KCNH7: variants seen among roughly 807,000 people sequenced by gnomAD.
KCNH7 encodes voltage-gated inwardly rectifying potassium channel KCNH7.
A neutral mutation model predicts 120.8 loss-of-function variants in KCNH7; 49 were observed. The ratio of observed to expected loss-of-function variants is 0.41; its 90% CI spans 0.32 to 0.51. The LOEUF is 0.51. Among genes scored for constraint, KCNH7 ranks in the 20% least tolerant of loss-of-function variants. The pLI, the probability that KCNH7 is intolerant of heterozygous loss-of-function variation, is 0.38. For synonymous variants in KCNH7, 547 were observed against 516.1 expected (o/e 1.06, Z -0.81); for missense variants, 1,097 against 1,446.6 (o/e 0.76, Z 3.92).
chr2:162,373,433 T>G (rs1576314462), intron 15 of KCNH7, 37 bp downstream of exon 15: 33 of 1,408,266 alleles, frequency 2.3e-5, no homozygotes, highest in Non-Finnish European at 3.0e-5. Flanking sequence ...AAACACACTG[T>G]GAGAGACACT....
chr2:162,618,400 G>A (rs1337343927), intron 2 of KCNH7, among the ~76,000 whole-genome samples: 1 of 151,926 alleles, frequency 6.6e-6, no homozygotes, highest in Non-Finnish European at 1.5e-5. Flanking sequence ...CATTAAATGA[G>A]CTAATTATTA....
Position 162,446,362 on chromosome 2 carries a change from TG to T in KCNH7, c.1209del (p.Tyr403Ter). 6.2e-7 allele frequency: 1 copy of T among 1,613,830 alleles called. No individual in the cohort carries two copies. Among genetic ancestry groups the T allele is most frequent in the Non-Finnish European group, 8.5e-7 (1 of 1,179,790 alleles). ...PRINKFTILHYSPFKAVWDWL... is the reference protein window; with the variant it reads ...PRINKFTILHXSPFKAVWDWL... Reference sequence around the variant, plus strand: ...CAGTCCCAGACTGCCTTGAAAGGGCTGTAGTGCAATATCGTAAACTTGTTGA... The same window carrying T: ...CAGTCCCAGACTGCCTTGAAAGGGCTTAGTGCAATATCGTAAACTTGTTGA... On this transcript the variant is annotated frameshift_variant, in exon 7 of 16. Coordinates refer to ENST00000332142, the MANE Select transcript of KCNH7 (RefSeq NM_033272.4). LOFTEE classifies it high-confidence loss of function.
intron 3 of KCNH7, among the ~76,000 whole-genome samples, chr2:162,518,681 C>T (rs141178145): frequency 1.3e-5 from 2 of 151,674 alleles, no homozygotes; most frequent in Admixed American, 6.6e-5. Flanking sequence ...TATTGTGAGT[C>T]GAGTTTGGGT....
intron 2 of KCNH7, among the ~76,000 whole-genome samples, chr2:162,708,165 A>C (rs996931007): frequency 3.5e-4 from 53 of 152,170 alleles, no homozygotes; most frequent in African/African-American, 1.2e-3. Context: ...GCCATGGAAT[A>C]GTTCTTAGCA....
intron 2 of KCNH7, among the ~76,000 whole-genome samples, chr2:162,807,854 T>C (rs1406729138): frequency 6.6e-6 from 1 of 152,128 alleles, no homozygotes; most frequent in East Asian, 1.9e-4. Context: ...AGCTAATTTT[T>C]GTATTTTTAG....
At chr2:162,626,311 C>A (rs1373469823) in intron 2 of KCNH7, among the ~76,000 whole-genome samples, 2 of 152,046 alleles carry the variant, frequency 1.3e-5, no homozygotes, top group Non-Finnish European at 2.9e-5. Flanking sequence ...TATGTAAACA[C>A]AACATCTTAT....
At chr2:162,816,002 T>C (rs1234706848) in intron 2 of KCNH7, among the ~76,000 whole-genome samples, 8 of 152,182 alleles carry the variant, frequency 5.3e-5, no homozygotes. Context: ...CCCACACCTA[T>C]AATCCCAGCA....
At position 162,600,868 on chromosome 2, in the gene KCNH7, C is replaced by T. The variant is rs150551235; in HGVS notation, c.308-63788G>A. ...AGTACCAGTTGATTGGAAGTGGATGCCTTAAATGCTCTACTAGAAATTTTG... is the reference window on the plus strand; with the variant it reads ...AGTACCAGTTGATTGGAAGTGGATGTCTTAAATGCTCTACTAGAAATTTTG... On this transcript the variant is annotated intron_variant, in intron 2 of 15. Transcript: ENST00000332142. Among the ~76,000 whole-genome samples, 400 of 151,994 alleles carry T rather than the reference C, an allele frequency of 2.6e-3. 4 individuals are homozygous for T. The highest frequency in any genetic ancestry group is 9.0e-3 in the African/African-American group (373 of 41,478).
Position 162,373,666 on chromosome 2 carries a change from C to T in KCNH7, c.3132-4G>A. The T allele has an allele frequency of 6.8e-7, 1 of 1,460,782 alleles. No homozygotes were observed. Among genetic ancestry groups the T allele is most frequent in the Non-Finnish European group, 9.1e-7 (1 of 1,101,314 alleles). 90.5% of individuals were successfully genotyped at this position (1,460,782 alleles called of 1,614,324 possible). On this transcript the variant is annotated splice_region_variant and splice_polypyrimidine_tract_variant and intron_variant, in intron 14 of 15. Transcript: ENST00000332142. Reference sequence around the variant, plus strand: ...AGTGGTCATTTGGGATTCAAGCCTACAGAACAGACAGAAGTAGGAAAAGAC... The same window carrying T: ...AGTGGTCATTTGGGATTCAAGCCTATAGAACAGACAGAAGTAGGAAAAGAC...
chr2:162,655,258 T>A (rs575276586), intron 2 of KCNH7, among the ~76,000 whole-genome samples: 1 of 152,196 alleles, frequency 6.6e-6, no homozygotes, highest in Non-Finnish European at 1.5e-5. Context: ...TATACACACA[T>A]GCATTTTATC....
At chr2:162,670,460 C>T (rs573833157) in intron 2 of KCNH7, among the ~76,000 whole-genome samples, 9 of 102,412 alleles carry the variant, frequency 8.8e-5, no homozygotes, top group South Asian at 3.0e-4. Flanking sequence ...GCAACAAGAG[C>T]GAACTCTGTC....
intron 6 of KCNH7, among the ~76,000 whole-genome samples, chr2:162,499,085 T>C (rs562923696): frequency 6.6e-6 from 1 of 152,152 alleles, no homozygotes; most frequent in South Asian, 2.1e-4. Context: ...CTCATACTTA[T>C]CCAGGGAGAG....
chr2:162,757,991 T>G (rs543385892), intron 2 of KCNH7, among the ~76,000 whole-genome samples: 1 of 152,270 alleles, frequency 6.6e-6, no homozygotes, highest in East Asian at 1.9e-4. Flanking sequence ...TGAGTAATAG[T>G]AGGTTTATAT....
intron 7 of KCNH7, among the ~76,000 whole-genome samples, chr2:162,442,017 TTTTTTTTTTTTTTTTTTG>T (rs1688435637): frequency 9.8e-6 from 1 of 101,900 alleles, no homozygotes; most frequent in African/African-American, 4.9e-5. Context: ...TTTTTTTTTT[TTTTTTTTTTTTTTTTTTG>T]AGATGGAGTC....
intron 2 of KCNH7, among the ~76,000 whole-genome samples, chr2:162,805,362 A>G (rs1177312677): frequency 6.6e-6 from 1 of 152,084 alleles, no homozygotes; most frequent in East Asian, 1.9e-4. Flanking sequence ...TCCAGAATCT[A>G]TAAGGAACTC....
chr2:162,439,354 T>C (rs975499544), intron 7 of KCNH7, among the ~76,000 whole-genome samples: 3 of 152,000 alleles, frequency 2.0e-5, no homozygotes, highest in Admixed American at 6.6e-5. Context: ...TGTTATAAAA[T>C]ACAAACACAT....
At chr2:162,663,192 A>G (rs1041456904) in intron 2 of KCNH7, among the ~76,000 whole-genome samples, 1 of 152,224 alleles carries the variant, frequency 6.6e-6, no homozygotes, top group Admixed American at 6.5e-5. Flanking sequence ...TATGATTGCT[A>G]TGAGTTTTGT....
chr2:162,818,926 T>A (rs1685007198), intron 2 of KCNH7, among the ~76,000 whole-genome samples: 5 of 152,192 alleles, frequency 3.3e-5, no homozygotes. Flanking sequence ...GTAGGACACA[T>A]GACTTATTTA....
intron 2 of KCNH7, among the ~76,000 whole-genome samples, chr2:162,773,663 A>G: frequency 6.6e-6 from 1 of 151,940 alleles, no homozygotes; most frequent in Non-Finnish European, 1.5e-5. Context: ...AAAGAAAAAA[A>G]GTGTAAAACT....
Sources: allele counts gnomAD v4.1 joint callset (sites outside exome capture counted in the v4.1 genomes callset), GRCh38; gene constraint gnomAD v4.1.1; transcripts MANE v1.5; gene names NCBI Gene and HGNC (gene_info 2026-07-23, HGNC 2026-07-21).